MORN5: variants seen among roughly 807,000 people sequenced by gnomAD.
The protein encoded by MORN5 is MORN repeat-containing protein 5.
In MORN5, 21 loss-of-function variants were observed where a neutral mutation model predicts 22.1. The observed-to-expected ratio is 0.95, with a 90% CI of 0.67 to 1.37. The LOEUF (loss-of-function observed/expected upper bound fraction) is 1.37, where lower values mean the gene tolerates loss of function less well. Among genes scored for constraint, MORN5 ranks in the 40% most tolerant of loss-of-function variants. The probability of loss-of-function intolerance (pLI) is 0.00; values close to 1 mark genes in which losing one functional copy is unlikely to be tolerated. For missense variants in MORN5, 211 were observed against 215.1 expected (o/e 0.98, Z 0.12); for synonymous variants, 73 against 74.0 (o/e 0.99, Z 0.07).
At chr9:122,174,440 A>C in intron 3 of MORN5, 56 bp from the exon 4 acceptor site, 9 of 1,597,710 alleles carry the variant, frequency 5.6e-6, no homozygotes, top group Non-Finnish European at 7.7e-6. Flanking sequence ...TTATGGGAAC[A>C]CTGGGTTTGG....
At chr9:122,183,580 C>T (rs1297483012) in intron 4 of MORN5, among the ~76,000 whole-genome samples, 1 of 152,198 alleles carries the variant, frequency 6.6e-6, no homozygotes, top group East Asian at 1.9e-4. Context: ...TATGTAAAAG[C>T]TGAAATTCTT....
chr9:122,188,621 T>C (rs1433162218), intron 4 of MORN5, among the ~76,000 whole-genome samples: 1 of 152,228 alleles, frequency 6.6e-6, no homozygotes, highest in African/African-American at 2.4e-5. Context: ...CAGAGTGACC[T>C]TGGCCATGGC....
intron 3 of MORN5, among the ~76,000 whole-genome samples, chr9:122,172,377 C>T (rs888792895): frequency 6.6e-6 from 1 of 150,660 alleles, no homozygotes; most frequent in Non-Finnish European, 1.5e-5. Context: ...TTCTCTGGCT[C>T]CTGCTCATGT....
chr9:122,177,415 G>C (rs1446497971), intron 4 of MORN5, among the ~76,000 whole-genome samples: 2 of 152,168 alleles, frequency 1.3e-5, no homozygotes, highest in Non-Finnish European at 2.9e-5. Flanking sequence ...TCTCAGTTTG[G>C]AGCTGAGAGT....
chr9:122,179,103 G>C (rs1223818760), intron 4 of MORN5, among the ~76,000 whole-genome samples: 1 of 152,194 alleles, frequency 6.6e-6, no homozygotes, highest in African/African-American at 2.4e-5. Context: ...AGCAGGGTTG[G>C]TAAGAGTGTT....
chr9:122,175,345 G>C, intron 4 of MORN5: 1 of 480,444 alleles, frequency 2.1e-6, no homozygotes, highest in Non-Finnish European at 2.7e-6. Flanking sequence ...CCTTTAGCCA[G>C]GGGAGTAGGT....
At chr9:122,184,026 C>T (rs138131918) in intron 4 of MORN5, among the ~76,000 whole-genome samples, 317 of 152,256 alleles carry the variant, frequency 2.1e-3, no homozygotes, top group Non-Finnish European at 3.3e-3. Context: ...TTATGTGACT[C>T]GGCTGCCACC....
intron 1 of MORN5, among the ~76,000 whole-genome samples, chr9:122,166,328 C>T (rs1564415139): frequency 6.6e-6 from 1 of 151,192 alleles, no homozygotes; most frequent in Non-Finnish European, 1.5e-5. Context: ...ACTCCTGTCT[C>T]TAAATTTCAT....
At chr9:122,170,826 C>A (rs1002392697) in intron 3 of MORN5, among the ~76,000 whole-genome samples, 1 of 152,078 alleles carries the variant, frequency 6.6e-6, no homozygotes, top group Non-Finnish European at 1.5e-5. Flanking sequence ...GTCAGGTGAG[C>A]CTCAAGACGA....
Position 122,191,738 on chromosome 9 carries a change from C to T in MORN5, c.440-8147C>T, listed in dbSNP as rs930583404. Reference sequence around the variant, plus strand: ...CTGTGGGTGTGCAGTGACCCCAATCCGCCTGCTTGCCTTCCCTGGGCTCGC... The same window carrying T: ...CTGTGGGTGTGCAGTGACCCCAATCTGCCTGCTTGCCTTCCCTGGGCTCGC... On this transcript the variant is annotated intron_variant, in intron 4 of 4. Coordinates refer to ENST00000373764, the MANE Select transcript of MORN5 (RefSeq NM_198469.4). Among the ~76,000 whole-genome samples the T allele has an allele frequency of 3.3e-5, 5 of 152,380 alleles. No individual in the cohort carries two copies. The East Asian group carries it at 5.8e-4, about 18-fold the overall frequency.
intron 1 of MORN5, among the ~76,000 whole-genome samples, chr9:122,163,915 T>G (rs1829238357): frequency 6.6e-6 from 1 of 152,166 alleles, no homozygotes; most frequent in Non-Finnish European, 1.5e-5. Context: ...AGGGTCTCAC[T>G]CTGGAGTGCT....
chr9:122,172,010 A>C (rs899007826), intron 3 of MORN5, among the ~76,000 whole-genome samples: 13 of 134,556 alleles, frequency 9.7e-5, no homozygotes, highest in African/African-American at 3.7e-4. Flanking sequence ...GCTGGAGTGC[A>C]GTGGTATGAT....
At chr9:122,162,953 C>T (rs1003902363) in intron 1 of MORN5, among the ~76,000 whole-genome samples, 2 of 151,590 alleles carry the variant, frequency 1.3e-5, no homozygotes, top group Non-Finnish European at 2.9e-5. Context: ...ACTTTAAACA[C>T]GTGGCCTATT....
At chr9:122,179,099 G>A (rs548592506) in intron 4 of MORN5, among the ~76,000 whole-genome samples, 4 of 152,168 alleles carry the variant, frequency 2.6e-5, no homozygotes, top group Non-Finnish European at 5.9e-5. Context: ...ATGCAGCAGG[G>A]TTGGTAAGAG....
chr9:122,174,226 G>T (rs1829409603), intron 3 of MORN5, among the ~76,000 whole-genome samples: 1 of 152,134 alleles, frequency 6.6e-6, no homozygotes, highest in Non-Finnish European at 1.5e-5. Flanking sequence ...CTTTGTCATG[G>T]TATCCGAAGA....
chr9:122,180,484 C>T (rs1829522083), intron 4 of MORN5, among the ~76,000 whole-genome samples: 1 of 152,038 alleles, frequency 6.6e-6, no homozygotes, highest in African/African-American at 2.4e-5. Flanking sequence ...TGGGGTTTCA[C>T]CATGTTAGCT....
At chr9:122,172,478 C>T (rs774492385) in intron 3 of MORN5, among the ~76,000 whole-genome samples, 1 of 152,172 alleles carries the variant, frequency 6.6e-6, no homozygotes, top group Non-Finnish European at 1.5e-5. Context: ...AAAGAGACCA[C>T]ACTTTTTCCT....
At chr9:122,196,285 T>G (rs1588320662) in intron 4 of MORN5, among the ~76,000 whole-genome samples, 1 of 150,492 alleles carries the variant, frequency 6.6e-6, no homozygotes, top group African/African-American at 2.5e-5. Context: ...ATTAACAAAA[T>G]GCGTGAAATT....
At chr9:122,194,461 G>T (rs993444992) in intron 4 of MORN5, among the ~76,000 whole-genome samples, 2 of 152,168 alleles carry the variant, frequency 1.3e-5, no homozygotes, top group African/African-American at 4.8e-5. Flanking sequence ...AAGACAAGAT[G>T]GGGTGACTGT....
Sources: gnomAD v4.1 joint callset for allele counts (sites outside exome capture counted in the v4.1 genomes callset) on GRCh38, gnomAD v4.1.1 for gene constraint, MANE v1.5 for transcripts, NCBI Gene and HGNC (gene_info 2026-07-23, HGNC 2026-07-21) for gene names.